TMEM135: variants seen among roughly 807,000 people sequenced by gnomAD.
The protein encoded by TMEM135 is peroxisomal membrane protein 52.
Under a neutral mutation model 60.3 loss-of-function variants are expected in TMEM135, and 30 were observed. The observed-to-expected ratio is 0.50, with a 90% CI of 0.37 to 0.68. The LOEUF (loss-of-function observed/expected upper bound fraction) is 0.68, where lower values mean the gene tolerates loss of function less well. TMEM135 is among the 30% of genes least tolerant of loss of function. The pLI is 0.00. For synonymous variants in TMEM135, 190 were observed against 186.7 expected (o/e 1.02, Z -0.14); for missense variants, 468 against 548.8 (o/e 0.85, Z 1.47).
intron 4 of TMEM135, 130 bp from the exon 5 acceptor site, chr11:87,157,211 T>C: frequency 2.4e-6 from 2 of 821,632 alleles, no homozygotes; most frequent in Admixed American, 2.2e-5. Flanking sequence ...ATACAACTTA[T>C]TGATCGTTCT....
intron 5 of TMEM135, among the ~76,000 whole-genome samples, chr11:87,191,390 G>A (rs989674934): frequency 2.6e-5 from 4 of 151,964 alleles, no homozygotes; most frequent in Non-Finnish European, 4.4e-5. Flanking sequence ...ACAGGTGCCC[G>A]CCACCACGCC....
chr11:87,283,777 G>C lies in TMEM135; in HGVS notation c.510-12005G>C, dbSNP rs953609731. ...GGAGGCTGAGGCAGAGAACTGGCTT[G>C]AACTTGGGTGGTGGAGGTTGCAGTG... On this transcript the variant is annotated intron_variant, in intron 6 of 14. Transcript: ENST00000305494. Among the ~76,000 whole-genome samples the C allele has an allele frequency of 5.9e-5, 9 of 151,888 alleles. No homozygotes were observed. In the South Asian group the frequency reaches 6.2e-4, roughly 11 times the overall value.
intron 2 of TMEM135, among the ~76,000 whole-genome samples, chr11:87,068,552 T>A (rs972633738): frequency 6.6e-6 from 1 of 152,210 alleles, no homozygotes; most frequent in Non-Finnish European, 1.5e-5. Flanking sequence ...GGCTCACGCC[T>A]GTAATCCCAG....
chr11:87,188,500 G>T (rs1409796302), intron 5 of TMEM135, among the ~76,000 whole-genome samples: 1 of 148,410 alleles, frequency 6.7e-6, no homozygotes, highest in Non-Finnish European at 1.5e-5. Flanking sequence ...TTAGGAGTTC[G>T]AGACCAGCCT....
chr11:87,089,755 T>C (rs117548890), intron 3 of TMEM135, among the ~76,000 whole-genome samples: 3,087 of 152,292 alleles, frequency 0.02, 35 homozygotes, highest in Non-Finnish European at 0.028. Context: ...TTTCTCAGTA[T>C]AACTTATTTA....
intron 4 of TMEM135, among the ~76,000 whole-genome samples, chr11:87,144,494 T>G (rs1438257974): frequency 6.6e-6 from 1 of 152,258 alleles, no homozygotes. Flanking sequence ...GAATTTTGCC[T>G]GCAGGCGTTG....
At position 87,327,509 on chromosome 11, in the gene TMEM135, A is replaced by T. The variant is rs993627667; in HGVS notation, c.*6176A>T. On this transcript the variant is annotated 3_prime_UTR_variant, in exon 15 of 15. Transcript: ENST00000305494. ...TCAGGGTTTCCCAGAGAGGCAGAAC[A>T]ATAGGGATAGAGAGATACATAGAGA... The T allele has an allele frequency of 2.0e-5, 9 of 453,822 alleles. No homozygotes were observed. Among genetic ancestry groups the T allele is most frequent in the Non-Finnish European group, 4.0e-5 (9 of 226,762 alleles). The allele number at this position is 453,822 out of a possible 1,614,324, so 28.1% of individuals were successfully genotyped here. A position where few individuals can be genotyped will look rare whatever the true frequency, so the allele number is the denominator to read the frequency against.
chr11:87,312,198 CTGGAT>C (rs949659515), intron 10 of TMEM135, among the ~76,000 whole-genome samples: 1 of 138,404 alleles, frequency 7.2e-6, no homozygotes, highest in African/African-American at 2.7e-5. Context: ...TTTCAGCCTT[CTGGAT>C]TGATTGTGTA....
At chr11:87,128,555 A>G (rs995108069) in intron 4 of TMEM135, among the ~76,000 whole-genome samples, 2 of 152,184 alleles carry the variant, frequency 1.3e-5, no homozygotes, top group Non-Finnish European at 2.9e-5. Context: ...TGAACAAATA[A>G]TTATGCTTTG....
In TMEM135 at chr11:87,152,872, C is replaced by T. The variant is rs558011434; in HGVS notation, c.397-4469C>T. Among the ~76,000 whole-genome samples the T allele has an allele frequency of 8.5e-5, 13 of 152,252 alleles. No individual in the cohort carries two copies. The East Asian group carries it at 2.3e-3, about 27-fold the overall frequency. ...CATCAAGTTTTCTGGTTATAATCAA[C>T]TCTTTATACACTGATGACACCAAAA... On this transcript the variant is annotated intron_variant, in intron 4 of 14. Transcript: ENST00000305494.
intron 5 of TMEM135, among the ~76,000 whole-genome samples, chr11:87,188,357 C>T (rs1056442580): frequency 6.6e-6 from 1 of 152,128 alleles, no homozygotes; most frequent in Non-Finnish European, 1.5e-5. Context: ...TTTATTCACC[C>T]TCTTTTTACC....
chr11:87,120,289 A>G (rs1164907041), intron 4 of TMEM135, among the ~76,000 whole-genome samples: 1 of 151,130 alleles, frequency 6.6e-6, no homozygotes, highest in Admixed American at 6.6e-5. Flanking sequence ...TAATTTTTGT[A>G]GAGATGGCAT....
intron 1 of TMEM135, among the ~76,000 whole-genome samples, chr11:87,061,394 T>G (rs1245526354): frequency 1.3e-5 from 2 of 152,190 alleles, no homozygotes; most frequent in Non-Finnish European, 2.9e-5. Flanking sequence ...GCACAACAGA[T>G]GATCTGGCCC....
intron 7 of TMEM135, 98 bp downstream of exon 7, chr11:87,295,921 C>A: frequency 1.0e-6 from 1 of 984,416 alleles, no homozygotes; most frequent in Non-Finnish European, 1.6e-6. Flanking sequence ...AGCATTTAAA[C>A]TGAAAATAAT....
chr11:87,135,542 A>G (rs1255903575), intron 4 of TMEM135, among the ~76,000 whole-genome samples: 1 of 149,606 alleles, frequency 6.7e-6, no homozygotes, highest in Non-Finnish European at 1.5e-5. Flanking sequence ...TTGAAAAATC[A>G]GTTTTACACA....
chr11:87,176,973 A>C (rs997550668), intron 5 of TMEM135, among the ~76,000 whole-genome samples: 1 of 152,184 alleles, frequency 6.6e-6, no homozygotes, highest in Non-Finnish European at 1.5e-5. Context: ...TGCTGAGTGC[A>C]AATCTGGCTT....
intron 13 of TMEM135, among the ~76,000 whole-genome samples, chr11:87,318,556 A>G (rs544097876): frequency 1.5e-4 from 23 of 152,104 alleles, no homozygotes; most frequent in Non-Finnish European, 2.9e-4. Context: ...ATTAAAAAAA[A>G]AAGGATAATA....
intron 7 of TMEM135, among the ~76,000 whole-genome samples, chr11:87,296,128 T>TTACTGAAAA (rs1942344235): frequency 6.6e-6 from 1 of 152,142 alleles, no homozygotes; most frequent in Non-Finnish European, 1.5e-5. Context: ...TCATGAACAA[T>TTACTGAAAA]TACTGAAAAG....
intron 5 of TMEM135, among the ~76,000 whole-genome samples, chr11:87,216,141 T>G (rs1940495416): frequency 6.6e-6 from 1 of 152,346 alleles, no homozygotes; most frequent in Non-Finnish European, 1.5e-5. Flanking sequence ...ATATAGGGTT[T>G]GGCATTATAA....
Sources: allele counts gnomAD v4.1 joint callset (sites outside exome capture counted in the v4.1 genomes callset), GRCh38; gene constraint gnomAD v4.1.1; transcripts MANE v1.5; gene names NCBI Gene and HGNC (gene_info 2026-07-23, HGNC 2026-07-21).